The following TRIM67 variants were observed in gnomAD, a reference collection of about 807,000 sequenced individuals.
TRIM67 encodes the protein tripartite motif containing 67.
In TRIM67, 39 loss-of-function variants were observed where a neutral mutation model predicts 71.0. That is an observed-to-expected ratio of 0.55 (90% CI 0.43 to 0.72). The LOEUF (loss-of-function observed/expected upper bound fraction) is 0.72, where lower values mean the gene tolerates loss of function less well. Ranked by LOEUF, TRIM67 falls within the 30% of genes least tolerant of loss-of-function variation. TRIM67 has a pLI of 0.00. For synonymous variants in TRIM67, 481 were observed against 473.9 expected, an observed-to-expected ratio of 1.01 and a Z score of -0.19; for missense variants, 973 against 1,079.2, an observed-to-expected ratio of 0.90 and a Z score of 1.38.
rs931196321 is a variant in TRIM67, at chr1:231,204,355, G to A, written c.1680+343G>A. On this transcript the variant is annotated intron_variant, in intron 6 of 9. Coordinates refer to ENST00000366653, the MANE Select transcript of TRIM67 (RefSeq NM_001004342.5). ...GTCTCATCCTCTAATTATTTCACCCGGCTCTGTCTTGTCTTGGGAGGTATC... is the reference window on the plus strand; with the variant it reads ...GTCTCATCCTCTAATTATTTCACCCAGCTCTGTCTTGTCTTGGGAGGTATC... 3.3e-5 allele frequency among the ~76,000 whole-genome samples: 5 copies of A among 152,160 alleles called. No homozygotes were observed. In the East Asian group the frequency reaches 5.8e-4, roughly 18 times the overall value.
chr1:231,214,037 T>A, intron 9 of TRIM67, 60 bp downstream of exon 9: 1 of 1,516,764 alleles, frequency 6.6e-7, no homozygotes, highest in East Asian at 2.4e-5. Flanking sequence ...GCCACAGGTC[T>A]CTGCAGTGCC....
At chr1:231,176,245 C>A (rs948107569) in intron 1 of TRIM67, among the ~76,000 whole-genome samples, 1 of 152,302 alleles carries the variant, frequency 6.6e-6, no homozygotes, top group Middle Eastern at 3.4e-3. Flanking sequence ...CAGCTCACAG[C>A]CTGCTGCAGG....
intron 5 of TRIM67, among the ~76,000 whole-genome samples, chr1:231,202,418 T>C (rs1180040959): frequency 6.6e-6 from 1 of 152,058 alleles, no homozygotes; most frequent in Non-Finnish European, 1.5e-5. Flanking sequence ...GTTTTCTCTG[T>C]CCCAAGAGCA....
chr1:231,175,535 G>A (rs879561516), intron 1 of TRIM67, among the ~76,000 whole-genome samples: 1 of 152,222 alleles, frequency 6.6e-6, no homozygotes, highest in Non-Finnish European at 1.5e-5. Flanking sequence ...TTCCCATAAG[G>A]GGATGTGAAG....
At chr1:231,188,280 G>A (rs1280756002) in intron 1 of TRIM67, among the ~76,000 whole-genome samples, 1 of 152,188 alleles carries the variant, frequency 6.6e-6, no homozygotes, top group Non-Finnish European at 1.5e-5. Context: ...AGCCCAGACT[G>A]ATGGCAACGT....
chr1:231,210,264 A>G (rs1488274033), intron 8 of TRIM67, among the ~76,000 whole-genome samples: 1 of 152,104 alleles, frequency 6.6e-6, no homozygotes, highest in Non-Finnish European at 1.5e-5. Context: ...GCCCCAGGCA[A>G]AATTGACCCG....
chr1:231,172,622 C>A lies in TRIM67; in HGVS notation c.1044+8609C>A, dbSNP rs912445090. ...GACAGGATGTGGACACCTGCCAGCA[C>A]TCACTCCAGAAGGAGAGGCTGGGCC... On this transcript the variant is annotated intron_variant, in intron 1 of 9. Transcript: ENST00000366653. 2.6e-5 allele frequency among the ~76,000 whole-genome samples: 4 copies of A among 152,294 alleles called. No individual in the cohort carries two copies. The South Asian group carries it at 8.3e-4, about 32-fold the overall frequency.
chr1:231,204,613 G>A (rs900749867), intron 6 of TRIM67, among the ~76,000 whole-genome samples: 4 of 152,124 alleles, frequency 2.6e-5, no homozygotes, highest in African/African-American at 9.7e-5. Flanking sequence ...AGCCCTAATA[G>A]AGCACTACCT....
intron 1 of TRIM67, among the ~76,000 whole-genome samples, chr1:231,183,512 C>T (rs1682965927): frequency 6.6e-6 from 1 of 152,098 alleles, no homozygotes; most frequent in Non-Finnish European, 1.5e-5. Flanking sequence ...ACTTGGGAGG[C>T]TGAGGCAGGG....
chr1:231,217,567 G>T lies in TRIM67; in HGVS notation c.*2127G>T, dbSNP rs1167521462. 9.8e-7 allele frequency: 1 copy of T among 1,016,042 alleles called. No individual in the cohort carries two copies. The highest frequency in any genetic ancestry group is 9.4e-5 in the East Asian group (1 of 10,636). The allele number at this position is 1,016,042 out of a possible 1,614,324, so 62.9% of individuals were successfully genotyped here. ...TGGGGCCAAGGAAGCCATCAGCTTT[G>T]GGAAGTGTCTAGCTCTCTTCTGAAA... On this transcript the variant is annotated 3_prime_UTR_variant, in exon 10 of 10. Coordinates refer to ENST00000366653, the MANE Select transcript of TRIM67 (RefSeq NM_001004342.5).
chr1:231,188,921 G>T (rs1683158761), intron 1 of TRIM67, among the ~76,000 whole-genome samples: 1 of 152,130 alleles, frequency 6.6e-6, no homozygotes, highest in African/African-American at 2.4e-5. Flanking sequence ...TTGTCCTGTG[G>T]CACAAAAATG....
chr1:231,179,425 G>C (rs1230272990), intron 1 of TRIM67, among the ~76,000 whole-genome samples: 3 of 152,238 alleles, frequency 2.0e-5, no homozygotes, highest in Non-Finnish European at 4.4e-5. Context: ...CTGAGGTCCG[G>C]TTAGGGGTTA....
In TRIM67 at chr1:231,199,044, C is replaced by A. The variant is rs749556304; in HGVS notation, c.1141-3C>A. On this transcript the variant is annotated splice_region_variant and splice_polypyrimidine_tract_variant and intron_variant, in intron 2 of 9. Coordinates refer to ENST00000366653, the MANE Select transcript of TRIM67 (RefSeq NM_001004342.5). ...TTCCCAACCAACCCCCAACCTCTGC[C>A]AGGAAAACGGACTGGACTACGAAGC... 12 of 1,613,838 alleles carry A rather than the reference C, an allele frequency of 7.4e-6. No homozygotes were observed. In the African/African-American group the frequency reaches 1.2e-4, roughly 16 times the overall value.
In TRIM67 at chr1:231,219,674, T is replaced by G; in HGVS notation, c.*4234T>G. On this transcript the variant is annotated 3_prime_UTR_variant, in exon 10 of 10. Transcript: ENST00000366653. ...TTTTACTGGAAGCAACAGGAACTTC[T>G]TAATGGGTTTGTGGCCCTCAATTGG... 8.5e-7 allele frequency: 1 copy of G among 1,173,186 alleles called. No homozygotes were observed. Among genetic ancestry groups the G allele is most frequent in the Non-Finnish European group, 1.1e-6 (1 of 935,158 alleles). 72.7% of individuals were successfully genotyped at this position (1,173,186 alleles called of 1,614,324 possible).
intron 1 of TRIM67, chr1:231,184,982 T>C: frequency 6.6e-7 from 1 of 1,518,762 alleles, no homozygotes; most frequent in Non-Finnish European, 8.8e-7. Flanking sequence ...CCAGCAGTGC[T>C]CCTGAATGGG....
At chr1:231,208,883 C>T (rs893155414) in intron 7 of TRIM67, 64 bp from the exon 8 acceptor site, 31 of 1,469,646 alleles carry the variant, frequency 2.1e-5, no homozygotes, top group Middle Eastern at 3.6e-4. Flanking sequence ...GTCTCTGAGC[C>T]GGTTAGAAAC....
intron 5 of TRIM67, among the ~76,000 whole-genome samples, chr1:231,202,926 T>A (rs1470625179): frequency 6.6e-6 from 1 of 152,050 alleles, no homozygotes; most frequent in Non-Finnish European, 1.5e-5. Flanking sequence ...GTCACTGGAC[T>A]GGTCAGGGGT....
intron 1 of TRIM67, among the ~76,000 whole-genome samples, chr1:231,193,502 A>AGC (rs1491214379): frequency 5.7e-4 from 2 of 3,516 alleles, no homozygotes; most frequent in African/African-American, 9.1e-4. Flanking sequence ...CTCTCTCTCA[A>AGC]GCTCTCTCTC....
intron 5 of TRIM67, 31 bp downstream of exon 5, chr1:231,201,548 T>G (rs747735643): frequency 2.5e-6 from 4 of 1,605,970 alleles, no homozygotes; most frequent in East Asian, 2.2e-5. Context: ...GTTCAGTCAG[T>G]GCTTCTTTCA....
Sources: gnomAD v4.1 joint callset for allele counts (sites outside exome capture counted in the v4.1 genomes callset) on GRCh38, gnomAD v4.1.1 for gene constraint, MANE v1.5 for transcripts, NCBI Gene and HGNC (gene_info 2026-07-23, HGNC 2026-07-21) for gene names.